Variants in CSMD1 observed in about 807,000 individuals in gnomAD.
CSMD1 encodes the protein CUB and sushi domain-containing protein 1.
In CSMD1, 213 loss-of-function variants were observed where a neutral mutation model predicts 417.5. The ratio of observed to expected loss-of-function variants is 0.51; its 90% CI spans 0.46 to 0.57. The LOEUF (loss-of-function observed/expected upper bound fraction) is 0.57, where lower values mean the gene tolerates loss of function less well. CSMD1 is among the 20% of genes least tolerant of loss of function. The pLI is 0.00. For missense variants in CSMD1, 6,923 were observed against 4,529.7 expected (o/e 1.53, Z -15.17); for synonymous variants, 2,862 against 1,736.8 (o/e 1.65, Z -16.11).
intron 10 of CSMD1, among the ~76,000 whole-genome samples, chr8:3,537,002 T>C (rs1241526358): frequency 6.6e-6 from 1 of 152,140 alleles, no homozygotes; most frequent in Non-Finnish European, 1.5e-5. Context: ...CTTTTTTTCT[T>C]TTCTTTCTTT....
chr8:4,994,662 CG>C lies in CSMD1; in HGVS notation c.-247del. Reference sequence around the variant, plus strand: ...GCGCGGAGACCCGGGCTGGCGGGGCCGGGGCCGGGGACGAGCGCCGGCCGAG... The same window carrying C: ...GCGCGGAGACCCGGGCTGGCGGGGCCGGGCCGGGGACGAGCGCCGGCCGAG... On this transcript the variant is annotated 5_prime_UTR_variant, in exon 1 of 70. Coordinates refer to ENST00000635120, the MANE Select transcript of CSMD1 (RefSeq NM_033225.6). 2.5e-6 allele frequency: 1 copy of C among 403,424 alleles called. No individual in the cohort carries two copies. The allele number at this position is 403,424 out of a possible 1,614,324, so 25.0% of individuals were successfully genotyped here.
intron 1 of CSMD1, among the ~76,000 whole-genome samples, chr8:4,713,784 G>T (rs1028913901): frequency 6.6e-6 from 1 of 152,178 alleles, no homozygotes; most frequent in Non-Finnish European, 1.5e-5. Flanking sequence ...TTGGGCTGGA[G>T]ATCATTCTAG....
intron 5 of CSMD1, among the ~76,000 whole-genome samples, chr8:3,814,522 G>A (rs1018322734): frequency 1.3e-5 from 2 of 152,152 alleles, no homozygotes; most frequent in African/African-American, 4.8e-5. Context: ...GACGCCATTT[G>A]GCACTACCTG....
chr8:3,039,116 T>C (rs910980950), intron 50 of CSMD1, among the ~76,000 whole-genome samples: 10 of 152,282 alleles, frequency 6.6e-5, no homozygotes, highest in Middle Eastern at 6.8e-3. Context: ...TGGTTGGCCA[T>C]TGCTGTAAAC....
intron 12 of CSMD1, among the ~76,000 whole-genome samples, chr8:3,463,754 G>A (rs1048431932): frequency 6.6e-6 from 1 of 152,184 alleles, no homozygotes; most frequent in Non-Finnish European, 1.5e-5. Context: ...CGCAAGACGA[G>A]AAGCACCTTC....
At chr8:2,994,132 C>A (rs1183683962) in intron 54 of CSMD1, among the ~76,000 whole-genome samples, 1 of 58,412 alleles carries the variant, frequency 1.7e-5, no homozygotes, top group South Asian at 5.6e-4. Context: ...GGCAACAGAG[C>A]AAAACTCCAT....
At chr8:4,776,037 A>T (rs1269243832) in intron 1 of CSMD1, among the ~76,000 whole-genome samples, 2 of 152,114 alleles carry the variant, frequency 1.3e-5, no homozygotes, top group Non-Finnish European at 2.9e-5. Flanking sequence ...CAGTTTGACA[A>T]ATTACAGATG....
chr8:3,533,279 G>A (rs1013825688), intron 10 of CSMD1, among the ~76,000 whole-genome samples: 26 of 152,230 alleles, frequency 1.7e-4, no homozygotes, highest in African/African-American at 6.0e-4. Flanking sequence ...TCTTACAAAT[G>A]TTTAAATGCC....
At position 4,691,043 on chromosome 8, in the gene CSMD1, C is replaced by T. The variant is rs191874068; in HGVS notation, c.86-53485G>A. On this transcript the variant is annotated intron_variant, in intron 1 of 69. Coordinates refer to ENST00000635120, the MANE Select transcript of CSMD1 (RefSeq NM_033225.6). ...TGACTGGCCAAAATTATTTTTACGC[C>T]GTGCTTTGAAACATGCACCTTTAAA... Among the ~76,000 whole-genome samples the T allele has an allele frequency of 1.6e-3, 243 of 152,124 alleles. 3 individuals are homozygous for T. The highest frequency in any genetic ancestry group is 5.7e-3 in the African/African-American group (236 of 41,508).
intron 1 of CSMD1, among the ~76,000 whole-genome samples, chr8:4,982,056 G>A (rs1047375523): frequency 8.5e-5 from 13 of 152,102 alleles, no homozygotes; most frequent in African/African-American, 2.9e-4. Flanking sequence ...TCTGCCAGCT[G>A]CCCAACTATC....
intron 7 of CSMD1, among the ~76,000 whole-genome samples, chr8:3,627,581 T>A (rs1230652079): frequency 6.6e-6 from 1 of 152,176 alleles, no homozygotes; most frequent in African/African-American, 2.4e-5. Flanking sequence ...GTGGAAAAGG[T>A]AACAATCTAA....
intron 2 of CSMD1, among the ~76,000 whole-genome samples, chr8:4,479,232 A>G (rs572893066): frequency 8.5e-5 from 13 of 152,328 alleles, no homozygotes; most frequent in African/African-American, 2.9e-4. Flanking sequence ...GGAATTACAT[A>G]TTAATATTGC....
chr8:3,636,439 C>G (rs905144037), intron 7 of CSMD1, among the ~76,000 whole-genome samples: 2 of 152,124 alleles, frequency 1.3e-5, no homozygotes, highest in Non-Finnish European at 2.9e-5. Context: ...CAGCCTCCCA[C>G]AGTGGTAGGA....
chr8:4,829,106 G>C (rs1015099849), intron 1 of CSMD1, among the ~76,000 whole-genome samples: 12 of 152,138 alleles, frequency 7.9e-5, no homozygotes, highest in Non-Finnish European at 1.8e-4. Context: ...GGTGGCTAAT[G>C]GTTAAAATAT....
At chr8:4,961,132 T>C (rs1809453876) in intron 1 of CSMD1, among the ~76,000 whole-genome samples, 1 of 152,226 alleles carries the variant, frequency 6.6e-6, no homozygotes, top group Admixed American at 6.5e-5. Context: ...TTTACTATGA[T>C]TAACTTCTTA....
intron 3 of CSMD1, among the ~76,000 whole-genome samples, chr8:4,119,921 T>G (rs1237782563): frequency 2.0e-5 from 3 of 149,932 alleles, no homozygotes; most frequent in Non-Finnish European, 4.4e-5. Flanking sequence ...AGTGGGAGGG[T>G]GAGAGGAGCT....
At chr8:4,596,015 T>C (rs542674702) in intron 2 of CSMD1, among the ~76,000 whole-genome samples, 1 of 152,258 alleles carries the variant, frequency 6.6e-6, no homozygotes, top group Admixed American at 6.5e-5. Flanking sequence ...GATCCACCAC[T>C]TGAACACTCC....
At chr8:4,432,070 C>A (rs1032400966) in intron 2 of CSMD1, among the ~76,000 whole-genome samples, 1 of 151,938 alleles carries the variant, frequency 6.6e-6, no homozygotes, top group Non-Finnish European at 1.5e-5. Context: ...CTAAAACAGA[C>A]AGGATTAGAA....
intron 3 of CSMD1, among the ~76,000 whole-genome samples, chr8:4,067,845 G>C (rs976683703): frequency 1.3e-5 from 2 of 152,130 alleles, no homozygotes; most frequent in African/African-American, 4.8e-5. Flanking sequence ...TTGGGAGGCC[G>C]AGGTGGGCGG....
Sources: allele counts gnomAD v4.1 joint callset (sites outside exome capture counted in the v4.1 genomes callset), GRCh38; gene constraint gnomAD v4.1.1; transcripts MANE v1.5; gene names NCBI Gene and HGNC (gene_info 2026-07-23, HGNC 2026-07-21).